PTPRD: variants seen among roughly 807,000 people sequenced by gnomAD.
PTPRD encodes protein tyrosine phosphatase receptor type D.
Under a neutral mutation model 214.5 loss-of-function variants are expected in PTPRD, and 34 were observed. That is an observed-to-expected ratio of 0.16 (90% CI 0.12 to 0.21). PTPRD has a LOEUF of 0.21. Ranked by LOEUF, PTPRD falls within the 10% of genes least tolerant of loss-of-function variation. PTPRD has a pLI of 1.00. For missense variants in PTPRD, 2,545 were observed against 2,398.7 expected, an observed-to-expected ratio of 1.06 and a Z score of -1.27; for synonymous variants, 1,128 against 845.7, an observed-to-expected ratio of 1.33 and a Z score of -5.79.
chr9:9,516,159 A>G (rs2096832514), intron 8 of PTPRD, among the ~76,000 whole-genome samples: 1 of 152,140 alleles, frequency 6.6e-6, no homozygotes, highest in Non-Finnish European at 1.5e-5. Flanking sequence ...GTACCACTGG[A>G]TCTTATTTTG....
chr9:10,147,419 C>G (rs1357007579), intron 3 of PTPRD, among the ~76,000 whole-genome samples: 1 of 152,092 alleles, frequency 6.6e-6, no homozygotes, highest in Admixed American at 6.6e-5. Flanking sequence ...CGGCATTATT[C>G]ACAATAGCAA....
intron 11 of PTPRD, among the ~76,000 whole-genome samples, chr9:8,918,138 G>T (rs2098799777): frequency 6.6e-6 from 1 of 152,146 alleles, no homozygotes; most frequent in African/African-American, 2.4e-5. Context: ...ACAGCCCTAT[G>T]CACTGAGAAA....
At chr9:10,585,315 T>C (rs923889084) in intron 2 of PTPRD, among the ~76,000 whole-genome samples, 1 of 152,106 alleles carries the variant, frequency 6.6e-6, no homozygotes, top group Admixed American at 6.6e-5. Context: ...CTCCCATTGA[T>C]GAAAGCCCAT....
At chr9:10,214,100 T>C (rs1340460285) in intron 3 of PTPRD, among the ~76,000 whole-genome samples, 1 of 152,118 alleles carries the variant, frequency 6.6e-6, no homozygotes, top group Non-Finnish European at 1.5e-5. Context: ...AATTCTTATG[T>C]TTAAATTTGA....
chr9:9,869,095 G>GA (rs1287548850), intron 5 of PTPRD, among the ~76,000 whole-genome samples: 2 of 152,024 alleles, frequency 1.3e-5, no homozygotes, highest in Non-Finnish European at 2.9e-5. Context: ...CCAAAACTAT[G>GA]AAAAATGTAT....
At chr9:9,370,871 A>G (rs1347453833) in intron 9 of PTPRD, among the ~76,000 whole-genome samples, 1 of 152,034 alleles carries the variant, frequency 6.6e-6, no homozygotes, top group East Asian at 1.9e-4. Context: ...TGAGATAATC[A>G]TGTGGTTTTT....
intron 2 of PTPRD, among the ~76,000 whole-genome samples, chr9:10,524,357 T>C (rs1420858932): frequency 6.6e-6 from 1 of 152,126 alleles, no homozygotes; most frequent in Non-Finnish European, 1.5e-5. Context: ...CATAGTTTAC[T>C]GTACGATAAG....
At chr9:10,148,677 A>C (rs2099040319) in intron 3 of PTPRD, among the ~76,000 whole-genome samples, 1 of 152,200 alleles carries the variant, frequency 6.6e-6, no homozygotes, top group African/African-American at 2.4e-5. Context: ...TGGACAAGTC[A>C]ATCTCAATTT....
intron 14 of PTPRD, among the ~76,000 whole-genome samples, chr9:8,529,437 A>C (rs2075103814): frequency 6.6e-6 from 1 of 152,168 alleles, no homozygotes; most frequent in Admixed American, 6.6e-5. Context: ...GAGCAAAAGC[A>C]ACTCCTTATT....
intron 9 of PTPRD, among the ~76,000 whole-genome samples, chr9:9,288,013 T>G (rs574656594): frequency 6.6e-6 from 1 of 151,814 alleles, no homozygotes. Context: ...TAGTAGAGAC[T>G]TATCATGGTT....
intron 9 of PTPRD, among the ~76,000 whole-genome samples, chr9:9,275,415 G>T (rs944526320): frequency 6.7e-5 from 10 of 150,036 alleles, no homozygotes; most frequent in Admixed American, 1.3e-4. Context: ...CCTGCATTCA[G>T]TGCAGAGGGG....
chr9:9,928,661 A>G (rs1304302544), intron 5 of PTPRD, among the ~76,000 whole-genome samples: 1 of 152,010 alleles, frequency 6.6e-6, no homozygotes, highest in African/African-American at 2.4e-5. Flanking sequence ...TTATTTGTAA[A>G]CTCGACTAGT....
chr9:9,402,801 A>AT (rs1445679160), intron 8 of PTPRD, among the ~76,000 whole-genome samples: 1 of 151,866 alleles, frequency 6.6e-6, no homozygotes, highest in Non-Finnish European at 1.5e-5. Context: ...AACTGAGTAA[A>AT]TAAACCAATA....
intron 11 of PTPRD, among the ~76,000 whole-genome samples, chr9:9,002,179 ATCT>A (rs1411067873): frequency 2.0e-5 from 3 of 152,062 alleles, no homozygotes; most frequent in African/African-American, 7.2e-5. Context: ...TAGGATATTT[ATCT>A]CCAGAGAAAT....
chr9:9,051,088 C>A (rs1302758483), intron 10 of PTPRD, among the ~76,000 whole-genome samples: 1 of 152,032 alleles, frequency 6.6e-6, no homozygotes, highest in Non-Finnish European at 1.5e-5. Flanking sequence ...TTTTTCTAGG[C>A]TATTATATAG....
chr9:10,197,477 T>C (rs1202067230), intron 3 of PTPRD, among the ~76,000 whole-genome samples: 1 of 152,170 alleles, frequency 6.6e-6, no homozygotes, highest in Non-Finnish European at 1.5e-5. Flanking sequence ...CATTACTCCC[T>C]ATATAATTTT....
At chr9:9,094,703 T>C (rs1480954118) in intron 10 of PTPRD, among the ~76,000 whole-genome samples, 1 of 152,118 alleles carries the variant, frequency 6.6e-6, no homozygotes, top group South Asian at 2.1e-4. Context: ...AAGAAAACTT[T>C]AGGCCCAGAT....
At chr9:8,427,625 A>C (rs997514267) in intron 35 of PTPRD, among the ~76,000 whole-genome samples, 2 of 152,098 alleles carry the variant, frequency 1.3e-5, no homozygotes, top group Admixed American at 6.5e-5. Context: ...CACTGGTTTA[A>C]ACTAGCAAGT....
intron 14 of PTPRD, among the ~76,000 whole-genome samples, chr9:8,544,557 C>T (rs1286986753): frequency 2.0e-5 from 3 of 150,336 alleles, no homozygotes; most frequent in South Asian, 4.2e-4. Flanking sequence ...GCAACCTCCA[C>T]CTCCTGGGTT....
Sources: allele counts gnomAD v4.1 joint callset (sites outside exome capture counted in the v4.1 genomes callset), GRCh38; gene constraint gnomAD v4.1.1; transcripts MANE v1.5; gene names NCBI Gene and HGNC (gene_info 2026-07-23, HGNC 2026-07-21).